The following CCSER1 variants were observed in gnomAD, a reference collection of about 807,000 sequenced individuals.
CCSER1 encodes serine-rich coiled-coil domain-containing protein 1.
A neutral mutation model predicts 82.0 loss-of-function variants in CCSER1; 41 were observed. The observed-to-expected ratio is 0.50, with a 90% CI of 0.39 to 0.65. The LOEUF is 0.65. CCSER1 is among the 30% of genes least tolerant of loss of function. CCSER1 has a pLI of 0.00. For missense variants in CCSER1, 1,119 were observed against 1,064.2 expected (o/e 1.05, Z -0.72); for synonymous variants, 414 against 383.9 (o/e 1.08, Z -0.92).
intron 5 of CCSER1, among the ~76,000 whole-genome samples, chr4:90,489,776 T>G (rs1036060830): frequency 7.9e-5 from 12 of 152,146 alleles, no homozygotes; most frequent in Admixed American, 3.3e-4. Flanking sequence ...GCGGTGTTTG[T>G]TTTTTTGTCC....
At chr4:91,078,102 C>T (rs1722220827) in intron 9 of CCSER1, among the ~76,000 whole-genome samples, 1 of 152,198 alleles carries the variant, frequency 6.6e-6, no homozygotes, top group Non-Finnish European at 1.5e-5. Flanking sequence ...AGTGGTTCTT[C>T]CAGCACAGAG....
At chr4:90,384,029 C>T (rs1299422229) in intron 3 of CCSER1, among the ~76,000 whole-genome samples, 1 of 151,784 alleles carries the variant, frequency 6.6e-6, no homozygotes, top group Admixed American at 6.6e-5. Flanking sequence ...TCCCCAAACT[C>T]TGGGATTAAG....
At chr4:91,506,459 A>G (rs1454272210) in intron 10 of CCSER1, among the ~76,000 whole-genome samples, 1 of 152,016 alleles carries the variant, frequency 6.6e-6, no homozygotes, top group Non-Finnish European at 1.5e-5. Flanking sequence ...TGAAATTTAA[A>G]GGAGTTTTTT....
intron 1 of CCSER1, among the ~76,000 whole-genome samples, chr4:90,251,960 G>A (rs1722469941): frequency 6.6e-6 from 1 of 151,778 alleles, no homozygotes; most frequent in Non-Finnish European, 1.5e-5. Flanking sequence ...CGTTTGTGCT[G>A]TAATCTTTAT....
chr4:91,564,426 G>C lies in CCSER1; in HGVS notation c.2218-34146G>C, dbSNP rs948118867. ...TATACACCCAGTAATGGGATTGCTA[G>C]GTCAAATGGCAGTTCTGCTGTTAGC... On this transcript the variant is annotated intron_variant, in intron 10 of 10. Coordinates refer to ENST00000509176, the MANE Select transcript of CCSER1 (RefSeq NM_001145065.2). 4.6e-5 allele frequency among the ~76,000 whole-genome samples: 7 copies of C among 152,098 alleles called. No individual in the cohort carries two copies. The South Asian group carries it at 1.0e-3, about 23-fold the overall frequency.
intron 9 of CCSER1, among the ~76,000 whole-genome samples, chr4:90,962,215 C>T (rs1313854194): frequency 6.6e-6 from 1 of 151,962 alleles, no homozygotes; most frequent in African/African-American, 2.4e-5. Flanking sequence ...TCTCCTCAAA[C>T]ATTATGATGC....
intron 7 of CCSER1, among the ~76,000 whole-genome samples, chr4:90,729,168 T>C (rs1744252522): frequency 6.6e-6 from 1 of 152,202 alleles, no homozygotes; most frequent in Non-Finnish European, 1.5e-5. Context: ...ATGAAAAGTG[T>C]CTACAATAGC....
At chr4:90,980,193 G>C (rs1735983976) in intron 9 of CCSER1, among the ~76,000 whole-genome samples, 1 of 151,844 alleles carries the variant, frequency 6.6e-6, no homozygotes, top group East Asian at 1.9e-4. Context: ...GTTGCAAAAG[G>C]CCTGGCACAC....
chr4:91,602,219 A>T lies in CCSER1; in HGVS notation c.*3162A>T, dbSNP rs1488827435. On this transcript the variant is annotated 3_prime_UTR_variant, in exon 11 of 11. Coordinates refer to ENST00000509176, the MANE Select transcript of CCSER1 (RefSeq NM_001145065.2). The stretch of plus-strand genomic sequence containing the variant: ...TGCCCCACTTAAAGTGTTTACAAAG[A>T]TTTTCATGATTAATCTGGGTTTATG... Among the ~76,000 whole-genome samples, 2 of 151,994 alleles carry T rather than the reference A, an allele frequency of 1.3e-5. No homozygotes were observed.
chr4:90,691,638 C>G (rs1358841755), intron 6 of CCSER1, among the ~76,000 whole-genome samples: 1 of 151,292 alleles, frequency 6.6e-6, no homozygotes, highest in Non-Finnish European at 1.5e-5. Context: ...GTATATATAT[C>G]ACATGTATAT....
intron 8 of CCSER1, among the ~76,000 whole-genome samples, chr4:90,858,513 C>T (rs1007811164): frequency 2.0e-4 from 31 of 151,766 alleles, no homozygotes; most frequent in Admixed American, 5.9e-4. Context: ...AAATTCTTTA[C>T]GTTAAGGAAT....
chr4:90,353,678 A>G (rs890320586), intron 3 of CCSER1, among the ~76,000 whole-genome samples: 1 of 152,210 alleles, frequency 6.6e-6, no homozygotes, highest in Admixed American at 6.5e-5. Context: ...AGGTAGGCTT[A>G]TGTCTCCTTT....
chr4:91,458,601 C>A (rs1756329852), intron 10 of CCSER1, among the ~76,000 whole-genome samples: 1 of 152,092 alleles, frequency 6.6e-6, no homozygotes, highest in Non-Finnish European at 1.5e-5. Flanking sequence ...ATCTGTAGAT[C>A]ACTTTGGGTG....
chr4:91,239,066 C>G (rs1030760990), intron 10 of CCSER1, among the ~76,000 whole-genome samples: 17 of 151,432 alleles, frequency 1.1e-4, no homozygotes, highest in African/African-American at 3.9e-4. Context: ...CCACGTGATC[C>G]CCCCCACCTC....
chr4:90,395,466 C>G (rs1204674922), intron 3 of CCSER1, among the ~76,000 whole-genome samples: 1 of 151,952 alleles, frequency 6.6e-6, no homozygotes, highest in Non-Finnish European at 1.5e-5. Context: ...TTTTCACTTT[C>G]TTAGGCTTTA....
intron 2 of CCSER1, among the ~76,000 whole-genome samples, chr4:90,310,623 A>G (rs1452843772): frequency 6.6e-6 from 1 of 152,156 alleles, no homozygotes; most frequent in African/African-American, 2.4e-5. Flanking sequence ...CCTATGAGGT[A>G]GGCTCCTATG....
At chr4:90,341,809 A>G (rs1170018405) in intron 3 of CCSER1, among the ~76,000 whole-genome samples, 2 of 152,190 alleles carry the variant, frequency 1.3e-5, no homozygotes, top group Admixed American at 1.3e-4. Context: ...AATCTGCCTT[A>G]ATCATGGAGA....
chr4:91,091,567 C>T (rs1035962332), intron 10 of CCSER1, among the ~76,000 whole-genome samples: 9 of 152,176 alleles, frequency 5.9e-5, no homozygotes, highest in Non-Finnish European at 1.2e-4. Context: ...CGACTATTTT[C>T]CTCATGCTTC....
intron 10 of CCSER1, among the ~76,000 whole-genome samples, chr4:91,548,724 T>C (rs538140153): frequency 1.3e-5 from 2 of 152,238 alleles, no homozygotes; most frequent in South Asian, 4.2e-4. Context: ...TTGGATGTGA[T>C]TCTTTTTTCT....
Sources: gnomAD v4.1 joint callset for allele counts (sites outside exome capture counted in the v4.1 genomes callset) on GRCh38, gnomAD v4.1.1 for gene constraint, MANE v1.5 for transcripts, NCBI Gene and HGNC (gene_info 2026-07-23, HGNC 2026-07-21) for gene names.